Variants in RXYLT1 observed in about 807,000 individuals in gnomAD.
RXYLT1 encodes the protein ribitol xylosyltransferase 1.
RXYLT1 carries 41 observed loss-of-function variants against 43.5 expected under a neutral mutation model. The observed-to-expected ratio is 0.94, with a 90% confidence interval of 0.73 to 1.22. The LOEUF (loss-of-function observed/expected upper bound fraction) is 1.22, where lower values mean the gene tolerates loss of function less well. RXYLT1 is among the 50% of genes most tolerant of loss of function. RXYLT1 has a pLI of 0.00. For missense variants in RXYLT1, 514 were observed against 532.0 expected (o/e 0.97, Z 0.33); for synonymous variants, 166 against 194.4 (o/e 0.85, Z 1.21).
chr12:63,781,397 A>G (rs928834549), intron 2 of RXYLT1, among the ~76,000 whole-genome samples: 3 of 152,234 alleles, frequency 2.0e-5, no homozygotes, highest in Non-Finnish European at 4.4e-5. Flanking sequence ...AGCAGAGCAC[A>G]GCTTCATTTA....
intron 3 of RXYLT1, among the ~76,000 whole-genome samples, chr12:63,789,354 A>G (rs1897872295): frequency 6.6e-6 from 1 of 152,130 alleles, no homozygotes; most frequent in South Asian, 2.1e-4. Context: ...ATCTTGTGAG[A>G]CTTATTCACT....
At position 63,802,094 on chromosome 12, in the gene RXYLT1, C is replaced by T; in HGVS notation, c.432C>T (p.Phe144=). 6.3e-7 allele frequency: 1 copy of T among 1,582,654 alleles called. No individual in the cohort carries two copies. Among genetic ancestry groups the T allele is most frequent in the Non-Finnish European group, 8.6e-7 (1 of 1,164,034 alleles). Residue 144 remains phenylalanine (F), a synonymous_variant, in exon 4 of 6, where the codon TTC becomes TTT. Coordinates refer to ENST00000261234, the MANE Select transcript of RXYLT1 (RefSeq NM_014254.3). Reference sequence around the variant, plus strand: ...TTTGTTGTGTTGTTTTTAACAGCTTCATCACTGGTCCAGCTGTAATACCAG... The same window carrying T: ...TTTGTTGTGTTGTTTTTAACAGCTTTATCACTGGTCCAGCTGTAATACCAG... ...KSIVGRTQYS[F]ITGPAVIPGY... is the part of the protein sequence containing the mutation.
At chr12:63,801,951 G>A (rs111311411) in intron 3 of RXYLT1, 140 bp from the exon 4 acceptor site, 1 of 757,900 alleles carries the variant, frequency 1.3e-6, no homozygotes, top group African/African-American at 1.8e-5. Flanking sequence ...TCAAAAGATT[G>A]TATTATAGAA....
At position 63,805,424 on chromosome 12, in the gene RXYLT1, A is replaced by C. The variant is rs1212286224; in HGVS notation, c.914+20A>C. 1 of 1,545,256 alleles carries C rather than the reference A, an allele frequency of 6.5e-7. No individual in the cohort carries two copies. The highest frequency in any genetic ancestry group is 1.4e-5 in the African/African-American group (1 of 71,884). The stretch of plus-strand genomic sequence containing the variant: ...AGAACAGTAAGTTCTATGCTTATTT[A>C]ATTCATTCATTTTGTTCTCCAGTCT... On this transcript the variant is annotated intron_variant, in intron 5 of 5. Transcript: ENST00000261234.
intron 3 of RXYLT1, among the ~76,000 whole-genome samples, chr12:63,787,373 C>G (rs1181751415): frequency 1.3e-5 from 2 of 152,202 alleles, no homozygotes; most frequent in African/African-American, 4.8e-5. Flanking sequence ...CTTTCCATTT[C>G]TACCACATCT....
chr12:63,798,976 T>C (rs1233966032), intron 3 of RXYLT1, among the ~76,000 whole-genome samples: 1 of 152,230 alleles, frequency 6.6e-6, no homozygotes, highest in Non-Finnish European at 1.5e-5. Context: ...CTTTAAAAAT[T>C]GAACTGTTAA....
At chr12:63,804,300 G>A (rs189301063) in intron 4 of RXYLT1, 60 of 152,312 alleles carry the variant, frequency 3.9e-4, no homozygotes, top group African/African-American at 1.3e-3. Context: ...CAGTAATGCT[G>A]AGGCTAAGAA....
chr12:63,782,748 T>C (rs764345626), intron 2 of RXYLT1: 59 of 365,812 alleles, frequency 1.6e-4, no homozygotes, highest in Middle Eastern at 4.5e-4. Flanking sequence ...TTTGTGTGAA[T>C]GAATATTCAG....
chr12:63,800,280 G>A (rs1251492773), intron 3 of RXYLT1, among the ~76,000 whole-genome samples: 1 of 152,122 alleles, frequency 6.6e-6, no homozygotes, highest in African/African-American at 2.4e-5. Context: ...GAGTTGTTGG[G>A]GGGGTTAATG....
intron 5 of RXYLT1, 106 bp downstream of exon 5, chr12:63,805,510 C>A: frequency 9.2e-7 from 1 of 1,084,990 alleles, no homozygotes; most frequent in Non-Finnish European, 1.3e-6. Flanking sequence ...CTATTTGTAC[C>A]AATCTTTCCC....
At chr12:63,797,794 G>A (rs958913816) in intron 3 of RXYLT1, among the ~76,000 whole-genome samples, 9 of 152,174 alleles carry the variant, frequency 5.9e-5, no homozygotes, top group African/African-American at 2.2e-4. Context: ...GGCAGACCAA[G>A]TAGGAGATTG....
rs751717888 is a variant in RXYLT1 at position 63,781,219 on chromosome 12, ATG to A, written c.325+47_325+48del. On this transcript the variant is annotated intron_variant, in intron 2 of 5. Transcript: ENST00000261234. The stretch of plus-strand genomic sequence containing the variant: ...GAAGACATGTAAAAAGCATTATAAA[ATG>A]TATTTTATTGATATGAAATTCATTT... 3 of 1,380,950 alleles carry A rather than the reference ATG, an allele frequency of 2.2e-6. No individual in the cohort carries two copies. The African/African-American group carries it at 4.5e-5, about 21-fold the overall frequency. 85.5% of individuals were successfully genotyped at this position (1,380,950 alleles called of 1,614,324 possible).
chr12:63,784,880 A>T, intron 2 of RXYLT1, 90 bp from the exon 3 acceptor site: 20 of 1,110,742 alleles, frequency 1.8e-5, no homozygotes, highest in Non-Finnish European at 2.6e-5. Flanking sequence ...TAGTCAAATG[A>T]GTAAAAGAAC....
At position 63,802,400 on chromosome 12, in the gene RXYLT1, A is replaced by G. The variant is rs776969523; in HGVS notation, c.738A>G (p.Val246=). ...ATGTTTTTCAGTGGCCTTTAGGAGT[A>G]GCAACGTAAGTACAAAATATGATTA... ...DVDVFQWPLG[V]ATYRNFPVVE... Residue 246 remains valine (V), a synonymous_variant, in exon 4 of 6, where the codon GTA becomes GTG. Transcript: ENST00000261234. The G allele has an allele frequency of 9.6e-6, 15 of 1,568,026 alleles. No individual in the cohort carries two copies. Among genetic ancestry groups the G allele is most frequent in the African/African-American group, 1.4e-5 (1 of 73,056 alleles).
Position 63,799,070 on chromosome 12 carries a change from G to A in RXYLT1, c.429-3021G>A, listed in dbSNP as rs182306808. Among the ~76,000 whole-genome samples the A allele has an allele frequency of 2.5e-4, 38 of 152,214 alleles. No homozygotes were observed. In the South Asian group the frequency reaches 3.5e-3, roughly 14 times the overall value. ...AATCTCTGACCTACACCTTGGCTTC[G>A]CAGTATTGACCCCATGGCTTTCACC... On this transcript the variant is annotated intron_variant, in intron 3 of 5. Transcript: ENST00000261234.
intron 1 of RXYLT1, among the ~76,000 whole-genome samples, chr12:63,780,674 T>C (rs1484814393): frequency 6.6e-6 from 1 of 152,226 alleles, no homozygotes; most frequent in Non-Finnish European, 1.5e-5. Flanking sequence ...TTTTTGTGCA[T>C]AGGTTACCTG....
At chr12:63,806,959 C>T (rs1042792422) in intron 5 of RXYLT1, 1 of 152,434 alleles carries the variant, frequency 6.6e-6, no homozygotes, top group African/African-American at 2.4e-5. Flanking sequence ...CTTCACCTCC[C>T]CTCCTCCAAT....
intron 4 of RXYLT1, 82 bp from the exon 5 acceptor site, chr12:63,805,152 C>A: frequency 1.9e-6 from 2 of 1,075,448 alleles, no homozygotes; most frequent in Non-Finnish European, 2.6e-6. Flanking sequence ...CTGTATACTT[C>A]TTGCTACCTA....
intron 3 of RXYLT1, among the ~76,000 whole-genome samples, chr12:63,787,790 C>A (rs1897838751): frequency 6.6e-6 from 1 of 152,164 alleles, no homozygotes; most frequent in African/African-American, 2.4e-5. Context: ...CCACACCCAG[C>A]TAATTTTTGT....
Sources: allele counts gnomAD v4.1 joint callset (sites outside exome capture counted in the v4.1 genomes callset), GRCh38; gene constraint gnomAD v4.1.1; transcripts MANE v1.5; gene names NCBI Gene and HGNC (gene_info 2026-07-23, HGNC 2026-07-21).